Variants in RETREG1 observed in about 807,000 individuals in gnomAD.
RETREG1 encodes the protein reticulophagy regulator 1, also known as family with sequence similarity 134 member B.
In RETREG1, 44 loss-of-function variants were observed where a neutral mutation model predicts 54.8. That is an observed-to-expected ratio of 0.80 (90% confidence interval 0.63 to 1.03). The LOEUF (loss-of-function observed/expected upper bound fraction) is 1.03. Among genes scored for constraint, RETREG1 ranks in the 50% least tolerant of loss-of-function variants. RETREG1 has a pLI of 0.00. For missense variants in RETREG1, 554 were observed against 605.1 expected (o/e 0.92, Z 0.89); for synonymous variants, 217 against 238.5 (o/e 0.91, Z 0.83).
intron 3 of RETREG1, among the ~76,000 whole-genome samples, chr5:16,540,397 C>T (rs1448405578): frequency 6.6e-6 from 1 of 152,186 alleles, no homozygotes; most frequent in Non-Finnish European, 1.5e-5. Flanking sequence ...TACCCACCTT[C>T]GGCAAATACA....
In RETREG1 at chr5:16,527,800, A is replaced by ATTTT. The variant is rs386403108; in HGVS notation, c.458+37959_458+37962dup. Among the ~76,000 whole-genome samples the ATTTT allele has an allele frequency of 3.4e-3, 223 of 66,246 alleles. 42 individuals are homozygous for ATTTT. Among genetic ancestry groups the ATTTT allele is most frequent in the South Asian group, 3.9e-3 (5 of 1,270 alleles). The allele number at this position is 66,246 out of a possible 152,430, so 43.5% of individuals were successfully genotyped here. On this transcript the variant is annotated intron_variant, in intron 3 of 8. Coordinates refer to ENST00000306320, the MANE Select transcript of RETREG1 (RefSeq NM_001034850.3). ...CTTAGTACAATTTCGAGGGACTCTA[A>ATTTT]TTTTTTTTTTTTTTTTTTTTTTTTT...
Position 16,616,727 on chromosome 5 carries a change from C to G in RETREG1, c.245G>C (p.Arg82Pro), listed in dbSNP as rs757656254. The G allele has an allele frequency of 1.3e-6, 2 of 1,583,128 alleles. No individual in the cohort carries two copies. The highest frequency in any genetic ancestry group is 3.4e-5 in the Admixed American group (2 of 58,170). The change falls in exon 1 of 9, where the codon CGC becomes CCC. Residue 82 changes from arginine (R) to proline (P), a missense_variant. Coordinates refer to ENST00000306320, the MANE Select transcript of RETREG1 (RefSeq NM_001034850.3). Reference sequence around the variant, plus strand: ...CTTCCAGCTCAGCAGCTCGTCGGCGCGGCAGCCCAGCCACAGCACCGGCTC... The same window carrying G: ...CTTCCAGCTCAGCAGCTCGTCGGCGGGGCAGCCCAGCCACAGCACCGGCTC... ...LGEPVLWLGC[R>P]ADELLSWKRP...
chr5:16,516,038 T>C (rs1161556485), intron 3 of RETREG1, among the ~76,000 whole-genome samples: 5 of 150,144 alleles, frequency 3.3e-5, no homozygotes, highest in African/African-American at 1.2e-4. Flanking sequence ...TAAGAAATAG[T>C]TCCATGTAAA....
chr5:16,532,687 C>G (rs1740948472), intron 3 of RETREG1, among the ~76,000 whole-genome samples: 1 of 152,188 alleles, frequency 6.6e-6, no homozygotes, highest in Non-Finnish European at 1.5e-5. Flanking sequence ...TAAGTGAGCA[C>G]AGTGTAAGTC....
At chr5:16,554,091 C>T (rs932325587) in intron 3 of RETREG1, among the ~76,000 whole-genome samples, 1 of 152,202 alleles carries the variant, frequency 6.6e-6, no homozygotes, top group Non-Finnish European at 1.5e-5. Flanking sequence ...GAGGCTGAAC[C>T]TTTGAGCTTG....
chr5:16,605,762 C>T (rs1348491189), intron 1 of RETREG1, among the ~76,000 whole-genome samples: 1 of 152,204 alleles, frequency 6.6e-6, no homozygotes, highest in African/African-American at 2.4e-5. Context: ...CTCTGCTTTG[C>T]AGATGGCACC....
chr5:16,506,962 G>T (rs1395996698), intron 3 of RETREG1, among the ~76,000 whole-genome samples: 1 of 151,982 alleles, frequency 6.6e-6, no homozygotes, highest in African/African-American at 2.4e-5. Flanking sequence ...TTATATGTGT[G>T]TATAATATAT....
intron 1 of RETREG1, among the ~76,000 whole-genome samples, chr5:16,581,295 C>T (rs1259327604): frequency 6.6e-6 from 1 of 152,158 alleles, no homozygotes; most frequent in Non-Finnish European, 1.5e-5. Flanking sequence ...TGCCCCATCA[C>T]ACTTCACTTA....
At chr5:16,509,048 T>TTC (rs1554018034) in intron 3 of RETREG1, 3 of 992,758 alleles carry the variant, frequency 3.0e-6, no homozygotes, top group African/African-American at 1.8e-5. Flanking sequence ...CTTTTTTTTT[T>TTC]TTTTTTCTGG....
Position 16,573,383 on chromosome 5 carries a change from G to A in RETREG1, c.321-1281C>T, listed in dbSNP as rs574301932. On this transcript the variant is annotated intron_variant, in intron 1 of 8. Coordinates refer to ENST00000306320, the MANE Select transcript of RETREG1 (RefSeq NM_001034850.3). ...TGTTTGTAAAGAAATCACAAAGAGC[G>A]TTGAGCCTTCACATGAGATTAGAGG... Among the ~76,000 whole-genome samples the A allele has an allele frequency of 3.3e-5, 5 of 152,184 alleles. No individual in the cohort carries two copies. The East Asian group carries it at 5.8e-4, about 18-fold the overall frequency.
intron 3 of RETREG1, among the ~76,000 whole-genome samples, chr5:16,548,782 A>G (rs1741454806): frequency 6.6e-6 from 1 of 152,226 alleles, no homozygotes; most frequent in Non-Finnish European, 1.5e-5. Flanking sequence ...CTATAACATA[A>G]ATGAGGAGCC....
chr5:16,541,150 G>A (rs938206487), intron 3 of RETREG1, among the ~76,000 whole-genome samples: 2 of 152,162 alleles, frequency 1.3e-5, no homozygotes, highest in Non-Finnish European at 2.9e-5. Flanking sequence ...TGTTAGAACT[G>A]AATATCCAGT....
chr5:16,549,512 C>T (rs1741474517), intron 3 of RETREG1, among the ~76,000 whole-genome samples: 2 of 152,074 alleles, frequency 1.3e-5, no homozygotes, highest in African/African-American at 2.4e-5. Context: ...ACTTTGACCC[C>T]CTAGATCAGT....
chr5:16,501,381 G>C (rs543909838), intron 3 of RETREG1, among the ~76,000 whole-genome samples: 8 of 152,270 alleles, frequency 5.3e-5, no homozygotes, highest in Admixed American at 6.5e-5. Context: ...CAGCAGAATG[G>C]TTAAAATGGT....
intron 1 of RETREG1, among the ~76,000 whole-genome samples, chr5:16,602,130 G>A (rs1743070898): frequency 6.6e-6 from 1 of 152,216 alleles, no homozygotes; most frequent in African/African-American, 2.4e-5. Context: ...ATACAGAGGA[G>A]TGCACCAAGG....
At chr5:16,501,537 A>G (rs1029151703) in intron 3 of RETREG1, among the ~76,000 whole-genome samples, 9 of 148,658 alleles carry the variant, frequency 6.1e-5, no homozygotes, top group African/African-American at 2.2e-4. Flanking sequence ...TTATTTTTTT[A>G]TTTTTATTTA....
intron 3 of RETREG1, among the ~76,000 whole-genome samples, chr5:16,487,166 C>T (rs1739051024): frequency 6.6e-6 from 1 of 152,180 alleles, no homozygotes; most frequent in African/African-American, 2.4e-5. Flanking sequence ...TGAGTTTGTA[C>T]TAAGTTCCTA....
chr5:16,531,512 G>A (rs1165457820), intron 3 of RETREG1, among the ~76,000 whole-genome samples: 3 of 152,160 alleles, frequency 2.0e-5, no homozygotes, highest in African/African-American at 7.2e-5. Context: ...AGCAATGACA[G>A]AGCAATGTGA....
In RETREG1 at chr5:16,585,572, G is replaced by C. The variant is rs765307286; in HGVS notation, c.321-13470C>G. ...AGCAGGGAAGGGGACTTCGAGGCAG[G>C]GCGGGTGAGTCAAGTTCTGCAGCCC... is the stretch of plus-strand genomic sequence containing the variant. On this transcript the variant is annotated intron_variant, in intron 1 of 8. Transcript: ENST00000306320. This position sits in a 1 kb window ranked among gnomAD's most constrained non-coding sequence, Gnocchi z 4.5. Among the ~76,000 whole-genome samples the C allele has an allele frequency of 6.6e-6, 1 of 152,220 alleles. No homozygotes were observed. The highest frequency in any genetic ancestry group is 1.9e-4 in the East Asian group (1 of 5,200).
Sources: gnomAD v4.1 joint callset for allele counts (sites outside exome capture counted in the v4.1 genomes callset) on GRCh38, gnomAD v4.1.1 for gene constraint, Gnocchi (gnomAD v3.1) non-coding constraint, MANE v1.5 for transcripts, NCBI Gene and HGNC (gene_info 2026-07-23, HGNC 2026-07-21) for gene names.